The following SNRNP40 variants were observed in gnomAD, a reference collection of about 807,000 sequenced individuals.
SNRNP40 encodes U5 small nuclear ribonucleoprotein 40 kDa protein.
Under a neutral mutation model 45.8 loss-of-function variants are expected in SNRNP40, and 21 were observed. The observed-to-expected ratio is 0.46, with a 90% confidence interval of 0.32 to 0.66. The LOEUF (loss-of-function observed/expected upper bound fraction) is 0.66. Ranked by LOEUF, SNRNP40 falls within the 30% of genes least tolerant of loss-of-function variation. The pLI, the probability that SNRNP40 is intolerant of heterozygous loss-of-function variation, is 0.03. For synonymous variants in SNRNP40, 142 were observed against 163.8 expected (o/e 0.87, Z 1.01); for missense variants, 344 against 439.1 (o/e 0.78, Z 1.94).
intron 4 of SNRNP40, among the ~76,000 whole-genome samples, chr1:31,284,190 T>G (rs1646039593): frequency 6.6e-6 from 1 of 152,172 alleles, no homozygotes; most frequent in Admixed American, 6.5e-5. Flanking sequence ...GGATCTGTAC[T>G]CCAGCCTGGG....
intron 1 of SNRNP40, among the ~76,000 whole-genome samples, chr1:31,295,658 A>C (rs1646144216): frequency 6.6e-6 from 1 of 152,240 alleles, no homozygotes; most frequent in Admixed American, 6.5e-5. Context: ...CTCTGGATGA[A>C]GTACAAAGCC....
intron 5 of SNRNP40, 128 bp from the exon 6 acceptor site, chr1:31,271,627 T>A: frequency 1.1e-6 from 1 of 937,190 alleles, no homozygotes; most frequent in South Asian, 1.8e-5. Context: ...AGGATTTCTG[T>A]CAAAGAGAAA....
rs769984500 is a variant in SNRNP40, at chr1:31,278,785, T to C, written c.654+2589A>G. ...ATGCTTAAGATCTGGGGTGGGAAAA[T>C]TGTCTTCGGCAGAGGGATGATGGAG... On this transcript the variant is annotated intron_variant, in intron 5 of 9. Coordinates refer to ENST00000263694, the MANE Select transcript of SNRNP40 (RefSeq NM_004814.3). Among the ~76,000 whole-genome samples, 4 of 152,050 alleles carry C rather than the reference T, an allele frequency of 2.6e-5. No individual in the cohort carries two copies. In the South Asian group the frequency reaches 6.2e-4, roughly 24 times the overall value.
intron 8 of SNRNP40, among the ~76,000 whole-genome samples, chr1:31,265,302 A>AT (rs201649344): frequency 2.7e-5 from 4 of 150,368 alleles, no homozygotes; most frequent in African/African-American, 9.9e-5. Context: ...TTTTTTAAAT[A>AT]TTTTTTTTAT....
intron 5 of SNRNP40, among the ~76,000 whole-genome samples, chr1:31,271,965 G>A (rs1483607093): frequency 1.6e-4 from 25 of 152,028 alleles, no homozygotes; most frequent in Non-Finnish European, 5.9e-5. Context: ...GGTAGCTCAG[G>A]CTACCACGTT....
chr1:31,273,533 G>A (rs1282119173), intron 5 of SNRNP40, among the ~76,000 whole-genome samples: 2 of 151,986 alleles, frequency 1.3e-5, no homozygotes, highest in Non-Finnish European at 2.9e-5. Flanking sequence ...CCAGCTACTC[G>A]GGAGGCTGAG....
chr1:31,261,696 G>A, intron 8 of SNRNP40, 64 bp from the exon 9 acceptor site: 6 of 970,756 alleles, frequency 6.2e-6, no homozygotes, highest in Non-Finnish European at 9.8e-6. Flanking sequence ...CAGAGGCATG[G>A]CTTTTTAAAG....
chr1:31,293,543 TATA>T (rs1442632977), intron 1 of SNRNP40, among the ~76,000 whole-genome samples, 195 bp from the exon 2 acceptor site: 1 of 152,198 alleles, frequency 6.6e-6, no homozygotes, highest in Non-Finnish European at 1.5e-5. Context: ...ATCTACCTGT[TATA>T]ATGACTCTCT....
At chr1:31,274,329 C>T (rs543316478) in intron 5 of SNRNP40, among the ~76,000 whole-genome samples, 65 of 152,160 alleles carry the variant, frequency 4.3e-4, no homozygotes, top group South Asian at 8.3e-4. Flanking sequence ...CTCTGCCTCC[C>T]GGGTTCAAGT....
intron 1 of SNRNP40, among the ~76,000 whole-genome samples, chr1:31,294,858 C>T (rs1181631135): frequency 2.6e-5 from 4 of 151,336 alleles, no homozygotes; most frequent in Non-Finnish European, 4.4e-5. Context: ...AGGAGAATCG[C>T]TTGAACCCGG....
chr1:31,276,907 G>A (rs7552681), intron 5 of SNRNP40, among the ~76,000 whole-genome samples: 83,553 of 151,332 alleles, frequency 0.55, 23,723 homozygotes, highest in Non-Finnish European at 0.63. Flanking sequence ...GGTGGCGGCT[G>A]CCTGTAATCC....
chr1:31,295,729 T>C (rs1011284643), intron 1 of SNRNP40, among the ~76,000 whole-genome samples: 6 of 152,252 alleles, frequency 3.9e-5, no homozygotes, highest in Admixed American at 6.5e-5. Flanking sequence ...CCTTTGGTTA[T>C]TGGCTTGGTA....
At chr1:31,281,712 T>G in intron 4 of SNRNP40, 2 of 378,596 alleles carry the variant, frequency 5.3e-6, no homozygotes, top group Non-Finnish European at 4.8e-6. Flanking sequence ...AAACTTCGGT[T>G]ATATTTTCAG....
intron 9 of SNRNP40, 130 bp from the exon 10 acceptor site, chr1:31,260,251 ACACC>A: frequency 1.7e-6 from 1 of 575,416 alleles, no homozygotes; most frequent in East Asian, 2.9e-5. Context: ...CCCCTCCTAA[ACACC>A]ATCCACAGGA....
intron 3 of SNRNP40, 24 bp from the exon 4 acceptor site, chr1:31,289,443 AAAAG>A (rs767055516): frequency 1.0e-5 from 16 of 1,596,536 alleles, no homozygotes; most frequent in Admixed American, 5.1e-5. Context: ...GAAAGAATAA[AAAAG>A]AAATAAGTGA....
chr1:31,277,636 C>T (rs1420172361), intron 5 of SNRNP40, among the ~76,000 whole-genome samples: 1 of 151,922 alleles, frequency 6.6e-6, no homozygotes, highest in African/African-American at 2.4e-5. Flanking sequence ...AAAAATTCCC[C>T]GAAAATGAAG....
rs1645846496 is a variant in SNRNP40, at chr1:31,259,945, C to G, written c.*127G>C. The G allele has an allele frequency of 2.6e-6, 2 of 767,176 alleles. No homozygotes were observed. The highest frequency in any genetic ancestry group is 3.4e-5 in the African/African-American group (2 of 58,292). The allele number at this position is 767,176 out of a possible 1,614,324, so 47.5% of individuals were successfully genotyped here. On this transcript the variant is annotated 3_prime_UTR_variant, in exon 10 of 10. Coordinates refer to ENST00000263694, the MANE Select transcript of SNRNP40 (RefSeq NM_004814.3). ...GTGGTTTTTGGAATATGGCCACCGC[C>G]TCCTGTTTCTTGCTAGCAATGGTCA...
At chr1:31,288,495 TG>T (rs1646077970) in intron 4 of SNRNP40, among the ~76,000 whole-genome samples, 1 of 152,210 alleles carries the variant, frequency 6.6e-6, no homozygotes, top group Admixed American at 6.5e-5. Flanking sequence ...TGATTCCCAT[TG>T]CAGATCCACT....
chr1:31,289,237 GGA>G lies in SNRNP40; in HGVS notation c.531+15_531+16del. ...CACATCACCTCAGAAACTGGAACACGGAGAGACAATACCCACCTTAACTGTGC... is the reference window on the plus strand; with the variant it reads ...CACATCACCTCAGAAACTGGAACACGGAGACAATACCCACCTTAACTGTGC... On this transcript the variant is annotated intron_variant, in intron 4 of 9. Transcript: ENST00000263694. 1.9e-6 allele frequency: 3 copies of G among 1,611,648 alleles called. No homozygotes were observed. Among genetic ancestry groups the G allele is most frequent in the Non-Finnish European group, 2.5e-6 (3 of 1,178,320 alleles).
Sources: allele counts gnomAD v4.1 joint callset (sites outside exome capture counted in the v4.1 genomes callset), GRCh38; gene constraint gnomAD v4.1.1; transcripts MANE v1.5; gene names NCBI Gene and HGNC (gene_info 2026-07-23, HGNC 2026-07-21).